Variants in NCOA2 observed in about 807,000 individuals in gnomAD.
NCOA2 encodes the protein class E basic helix-loop-helix protein 75.
Under a neutral mutation model 145.1 loss-of-function variants are expected in NCOA2, and 21 were observed. The observed-to-expected ratio is 0.14, with a 90% CI of 0.10 to 0.21. NCOA2 has a LOEUF of 0.21. Among genes scored for constraint, NCOA2 ranks in the 10% least tolerant of loss-of-function variants. The pLI is 1.00. For missense variants in NCOA2, 1,472 were observed against 1,837.6 expected (o/e 0.80, Z 3.64); for synonymous variants, 619 against 637.5 (o/e 0.97, Z 0.44).
chr8:70,361,734 A>G (rs1470793471), intron 1 of NCOA2, among the ~76,000 whole-genome samples: 3 of 152,358 alleles, frequency 2.0e-5, no homozygotes, highest in South Asian at 4.1e-4. Context: ...AATTATATGT[A>G]AATACATTTC....
At chr8:70,441,793 AAAGAAAGAAAGAAAG>A in the NCOA2 span, among the ~76,000 whole-genome samples, 205 of 16,862 alleles carry the variant, frequency 0.012, no homozygotes, top group African/African-American at 0.02. Flanking sequence ...AGAAAGAAAG[AAAGAAAGAAAGAAAG>A]AAAGAAAGAA....
chr8:70,175,906 T>C (rs1419441223), intron 4 of NCOA2, among the ~76,000 whole-genome samples: 4 of 152,022 alleles, frequency 2.6e-5, no homozygotes, highest in South Asian at 4.2e-4. Flanking sequence ...ATACAGTATG[T>C]TGAAAATCTG....
intron 4 of NCOA2, among the ~76,000 whole-genome samples, chr8:70,205,154 G>A (rs1818304834): frequency 6.6e-6 from 1 of 152,042 alleles, no homozygotes; most frequent in Admixed American, 6.5e-5. Flanking sequence ...CAGTACCAGA[G>A]ATGTCAAAGG....
intron 1 of NCOA2, among the ~76,000 whole-genome samples, chr8:70,351,734 C>T (rs1401201680): frequency 2.0e-5 from 3 of 149,914 alleles, no homozygotes; most frequent in Non-Finnish European, 4.4e-5. Context: ...TATAGGCACA[C>T]ACCACCACCC....
chr8:70,363,615 A>G (rs1810413478), intron 1 of NCOA2, among the ~76,000 whole-genome samples: 1 of 152,218 alleles, frequency 6.6e-6, no homozygotes, highest in Non-Finnish European at 1.5e-5. Flanking sequence ...ATAAAAAGGA[A>G]TAAACTACTC....
chr8:70,386,799 C>T (rs1278535337), intron 1 of NCOA2, among the ~76,000 whole-genome samples: 1 of 152,186 alleles, frequency 6.6e-6, no homozygotes, highest in African/African-American at 2.4e-5. Context: ...GTGTTATTAT[C>T]CCCATCCAAC....
intron 1 of NCOA2, among the ~76,000 whole-genome samples, chr8:70,396,003 A>G (rs1446494835): frequency 1.3e-5 from 2 of 152,358 alleles, no homozygotes; most frequent in South Asian, 2.1e-4. Context: ...CGCTCCGTGC[A>G]AACAATTGAG....
rs763041329 is a variant in NCOA2, at chr8:70,156,608, A to C, written c.1757T>G (p.Phe586Cys). Residue 586 changes from phenylalanine (F) to cysteine (C), a missense_variant, in exon 11 of 23, where the codon TTT becomes TGT. Physicochemically the swap from Phe to Cys is radical, Grantham distance 205. This residue lies in a region of NCOA2 where 953 missense variants were observed against 1,062.1 expected (regional missense o/e 0.90). Coordinates refer to ENST00000452400, the MANE Select transcript of NCOA2 (RefSeq NM_006540.4). ...KMGSLDSKDC[F>C]GLYGEPSEGT... Reference sequence around the variant, plus strand: ...TTCAGAGGGCTCCCCATATAGTCCAAAACAGTCTTTTGAGTCCAAGCTTCC... The same window carrying C: ...TTCAGAGGGCTCCCCATATAGTCCACAACAGTCTTTTGAGTCCAAGCTTCC... 6.2e-7 allele frequency: 1 copy of C among 1,613,942 alleles called. No individual in the cohort carries two copies. The highest frequency in any genetic ancestry group is 8.5e-7 in the Non-Finnish European group (1 of 1,179,876).
chr8:70,144,923 A>T (rs1198407403), intron 12 of NCOA2, 75 bp from the exon 13 acceptor site: 1 of 1,320,196 alleles, frequency 7.6e-7, no homozygotes, highest in Non-Finnish European at 1.1e-6. Flanking sequence ...GTGTTTAGGG[A>T]CAATGTCTGT....
intron 2 of NCOA2, among the ~76,000 whole-genome samples, chr8:70,246,532 A>G (rs1822634304): frequency 6.6e-6 from 1 of 152,118 alleles, no homozygotes; most frequent in African/African-American, 2.4e-5. Flanking sequence ...TGCAAAACAT[A>G]TTTTTAATAT....
intron 2 of NCOA2, among the ~76,000 whole-genome samples, chr8:70,275,868 T>C (rs1015081109): frequency 2.6e-5 from 4 of 152,210 alleles, no homozygotes; most frequent in African/African-American, 7.2e-5. Flanking sequence ...ATGGTTCTTA[T>C]GCTTAAACAC....
At chr8:70,159,242 A>ATATATATATATATATATTT in intron 10 of NCOA2, among the ~76,000 whole-genome samples, 5 of 61,078 alleles carry the variant, frequency 8.2e-5, no homozygotes, top group African/African-American at 2.7e-4. Context: ...ATATATATAT[A>ATATATATATATATATATTT]TTTTTTTTTT....
intron 1 of NCOA2, among the ~76,000 whole-genome samples, chr8:70,323,396 G>A (rs1185980284): frequency 1.3e-5 from 2 of 152,132 alleles, no homozygotes; most frequent in Admixed American, 6.5e-5. Context: ...TTACAATTTG[G>A]ATGTTGAATG....
At chr8:70,269,233 T>C (rs1491002678) in intron 2 of NCOA2, among the ~76,000 whole-genome samples, 1 of 152,202 alleles carries the variant, frequency 6.6e-6, no homozygotes, top group East Asian at 1.9e-4. Flanking sequence ...AGCAGCATAA[T>C]ATTTCAAGTT....
chr8:70,277,363 T>G (rs1023757351), intron 2 of NCOA2, among the ~76,000 whole-genome samples: 2 of 152,212 alleles, frequency 1.3e-5, no homozygotes, highest in African/African-American at 4.8e-5. Context: ...TCTTCTTTTC[T>G]CTATTTACCC....
chr8:70,215,377 A>ACTGC (rs1197220870), intron 3 of NCOA2, among the ~76,000 whole-genome samples: 1 of 152,134 alleles, frequency 6.6e-6, no homozygotes, highest in East Asian at 1.9e-4. Context: ...AACAGTTCCC[A>ACTGC]CTTTCTCCCA....
At chr8:70,427,397 C>A in the NCOA2 span, among the ~76,000 whole-genome samples, 1 of 152,144 alleles carries the variant, frequency 6.6e-6, no homozygotes, top group Non-Finnish European at 1.5e-5. Context: ...TGTGTTCACA[C>A]GAATGATCTA....
chr8:70,168,518 G>A (rs1813880925), intron 6 of NCOA2, among the ~76,000 whole-genome samples: 1 of 152,080 alleles, frequency 6.6e-6, no homozygotes. Context: ...GCAGGGTTTT[G>A]CCATGTTGGC....
intron 2 of NCOA2, among the ~76,000 whole-genome samples, chr8:70,258,676 C>T (rs931274073): frequency 6.6e-6 from 1 of 152,108 alleles, no homozygotes; most frequent in Non-Finnish European, 1.5e-5. Context: ...CTTCAGTAAC[C>T]CCACCACCAA....
Sources: allele counts gnomAD v4.1 joint callset (sites outside exome capture counted in the v4.1 genomes callset), GRCh38; gene constraint gnomAD v4.1.1; regional missense constraint gnomAD v4.1.1; transcripts MANE v1.5; gene names NCBI Gene and HGNC (gene_info 2026-07-23, HGNC 2026-07-21).